The following CAP2 variants were observed in gnomAD, a reference collection of about 807,000 sequenced individuals.
The protein encoded by CAP2 is cyclase associated actin cytoskeleton regulatory protein 2, also known as adenylyl cyclase-associated protein 2.
CAP2 carries 24 observed loss-of-function variants against 57.7 expected under a neutral mutation model. The observed-to-expected ratio is 0.42, with a 90% confidence interval of 0.30 to 0.58. CAP2 has a LOEUF of 0.58. Among genes scored for constraint, CAP2 ranks in the 20% least tolerant of loss-of-function variants. The pLI is 0.22. For synonymous variants in CAP2, 194 were observed against 207.2 expected, an observed-to-expected ratio of 0.94 and a Z score of 0.55; for missense variants, 501 against 590.3, an observed-to-expected ratio of 0.85 and a Z score of 1.57.
At position 17,406,032 on chromosome 6, in the gene CAP2, C is replaced by T. The variant is rs190522319; in HGVS notation, c.-2+12286C>T. 5.6e-4 allele frequency among the ~76,000 whole-genome samples: 86 copies of T among 152,224 alleles called. 1 individual carries two copies. Among genetic ancestry groups the T allele is most frequent in the African/African-American group, 1.9e-3 (81 of 41,542 alleles). On this transcript the variant is annotated intron_variant, in intron 1 of 12. Coordinates refer to ENST00000229922, the MANE Select transcript of CAP2 (RefSeq NM_006366.3). Reference sequence around the variant, plus strand: ...CTGGGATTACAGGTGTGAGCGACCGCGCCCAGCCTGAGCAGTGGTTTATAT... The same window carrying T: ...CTGGGATTACAGGTGTGAGCGACCGTGCCCAGCCTGAGCAGTGGTTTATAT...
intron 3 of CAP2, among the ~76,000 whole-genome samples, chr6:17,428,397 G>C (rs894376712): frequency 3.9e-5 from 6 of 151,936 alleles, no homozygotes; most frequent in African/African-American, 1.5e-4. Flanking sequence ...CTTTTTCTTT[G>C]GCCTTTGTTT....
chr6:17,442,366 G>A (rs533080810), intron 3 of CAP2, among the ~76,000 whole-genome samples: 1 of 152,288 alleles, frequency 6.6e-6, no homozygotes, highest in African/African-American at 2.4e-5. Context: ...CACCTGCCCT[G>A]ATTCTTCCTT....
At position 17,464,092 on chromosome 6, in the gene CAP2, T is replaced by C. The variant is rs1760797463; in HGVS notation, c.300+1019T>C. 2.0e-5 allele frequency among the ~76,000 whole-genome samples: 3 copies of C among 152,300 alleles called. No individual in the cohort carries two copies. The South Asian group carries it at 6.2e-4, about 32-fold the overall frequency. ...TCACCACCTGCCCAAACTACTGACA[T>C]TGTATCATGCAAATAACTGCATTCC... On this transcript the variant is annotated intron_variant, in intron 4 of 12. Transcript: ENST00000229922.
intron 7 of CAP2, among the ~76,000 whole-genome samples, chr6:17,530,565 G>A (rs926977442): frequency 1.3e-5 from 2 of 152,102 alleles, no homozygotes; most frequent in Non-Finnish European, 2.9e-5. Context: ...AGGACAGTTC[G>A]AGGAGGGGCT....
intron 6 of CAP2, among the ~76,000 whole-genome samples, chr6:17,508,753 T>TTC (rs1200747302): frequency 1.2e-5 from 1 of 86,406 alleles, no homozygotes; most frequent in African/African-American, 4.6e-5. Context: ...TCAATTCACC[T>TTC]TCTTTTTTTT....
chr6:17,556,722 C>A lies in CAP2; in HGVS notation c.*280C>A, dbSNP rs921521856. 1.0e-5 allele frequency: 4 copies of A among 395,096 alleles called. No individual in the cohort carries two copies. The highest frequency in any genetic ancestry group is 8.0e-5 in the African/African-American group (4 of 49,956). The allele number at this position is 395,096 out of a possible 1,614,324, so 24.5% of individuals were successfully genotyped here. On this transcript the variant is annotated 3_prime_UTR_variant, in exon 13 of 13. Transcript: ENST00000229922. ...AAAAAAAAAAGAATTCTGTTCCCCT[C>A]ATATCATGAACACAGTAACTGATAG...
chr6:17,439,696 G>A lies in CAP2; in HGVS notation c.222+13006G>A, dbSNP rs527569713. Among the ~76,000 whole-genome samples, 14 of 151,642 alleles carry A rather than the reference G, an allele frequency of 9.2e-5. No individual in the cohort carries two copies. The South Asian group carries it at 1.9e-3, about 20-fold the overall frequency. ...GGAGCACACAACCTAGATCCCTCGC[G>A]TGCAGTGTTCACAATAGGGTTCATG... On this transcript the variant is annotated intron_variant, in intron 3 of 12. Coordinates refer to ENST00000229922, the MANE Select transcript of CAP2 (RefSeq NM_006366.3).
At chr6:17,421,422 T>G in intron 1 of CAP2, 133 bp from the exon 2 acceptor site, 1 of 892,680 alleles carries the variant, frequency 1.1e-6, no homozygotes, top group Non-Finnish European at 1.7e-6. Context: ...TACAATTTCA[T>G]GGTTAAAAAA....
chr6:17,415,231 T>G (rs539022838), intron 1 of CAP2, among the ~76,000 whole-genome samples: 2 of 152,348 alleles, frequency 1.3e-5, no homozygotes, highest in South Asian at 4.1e-4. Context: ...CCACCTCTTT[T>G]ATTAACATGA....
chr6:17,481,384 A>G (rs555100276), intron 4 of CAP2, among the ~76,000 whole-genome samples: 2 of 152,152 alleles, frequency 1.3e-5, no homozygotes, highest in African/African-American at 4.8e-5. Context: ...CAGAAAAACC[A>G]TTTTAACTGC....
intron 11 of CAP2, among the ~76,000 whole-genome samples, chr6:17,546,913 A>T (rs1459884027): frequency 6.6e-6 from 1 of 152,194 alleles, no homozygotes. Flanking sequence ...AGATGACATG[A>T]TTGTATATCT....
At chr6:17,483,592 GA>G (rs1761349765) in intron 4 of CAP2, among the ~76,000 whole-genome samples, 1 of 152,208 alleles carries the variant, frequency 6.6e-6, no homozygotes, top group Non-Finnish European at 1.5e-5. Context: ...AGGCCCCTGT[GA>G]GAAAGAACCA....
At chr6:17,401,241 G>A (rs1473193207) in intron 1 of CAP2, among the ~76,000 whole-genome samples, 1 of 152,128 alleles carries the variant, frequency 6.6e-6, no homozygotes, top group African/African-American at 2.4e-5. Flanking sequence ...GAGAACCAAG[G>A]GAGACCCTTT....
At chr6:17,524,028 A>G (rs1354047140) in intron 7 of CAP2, among the ~76,000 whole-genome samples, 6 of 149,818 alleles carry the variant, frequency 4.0e-5, no homozygotes, top group Non-Finnish European at 8.8e-5. Context: ...GTGAGCTGAG[A>G]TCGCGCCACT....
In CAP2 at chr6:17,513,741, C is replaced by T. The variant is rs565748227; in HGVS notation, c.531-108C>T. The T allele has an allele frequency of 4.9e-5, 35 of 721,184 alleles. No homozygotes were observed. In the Admixed American group the frequency reaches 6.1e-4, roughly 12 times the overall value. The allele number at this position is 721,184 out of a possible 1,614,324, so 44.7% of individuals were successfully genotyped here. On this transcript the variant is annotated intron_variant, in intron 6 of 12. Transcript: ENST00000229922. The surrounding 1 kb of genome is among the most constrained non-coding windows in gnomAD (Gnocchi z 4.3). ...GCCTGGGTTGCAAGGACGATTGCTCCGGGCTCCAGGGCCCCTAGTCACTAG... is the reference window on the plus strand; with the variant it reads ...GCCTGGGTTGCAAGGACGATTGCTCTGGGCTCCAGGGCCCCTAGTCACTAG...
chr6:17,466,660 C>T (rs1760872275), intron 4 of CAP2, among the ~76,000 whole-genome samples: 1 of 152,192 alleles, frequency 6.6e-6, no homozygotes, highest in East Asian at 1.9e-4. Context: ...CTAACAGGCT[C>T]CCCGGCGATG....
At position 17,423,372 on chromosome 6, in the gene CAP2, A is replaced by G. The variant is rs546547076; in HGVS notation, c.121+1696A>G. Among the ~76,000 whole-genome samples the G allele has an allele frequency of 3.9e-5, 6 of 152,300 alleles. No individual in the cohort carries two copies. In the East Asian group the frequency reaches 1.2e-3, roughly 29 times the overall value. ...AGCCTGTAAGTTTTTTTCCGCACCAACTGAGACACATCTATGATTTCATTT... is the reference window on the plus strand; with the variant it reads ...AGCCTGTAAGTTTTTTTCCGCACCAGCTGAGACACATCTATGATTTCATTT... On this transcript the variant is annotated intron_variant, in intron 2 of 12. Transcript: ENST00000229922.
chr6:17,460,371 A>T (rs1456870615), intron 3 of CAP2, among the ~76,000 whole-genome samples: 1 of 152,240 alleles, frequency 6.6e-6, no homozygotes, highest in South Asian at 2.1e-4. Flanking sequence ...AGAAGTTATG[A>T]TGAGAATCAT....
chr6:17,546,959 A>G (rs1016032607), intron 11 of CAP2, among the ~76,000 whole-genome samples: 1 of 152,212 alleles, frequency 6.6e-6, no homozygotes, highest in African/African-American at 2.4e-5. Flanking sequence ...AATCTCTTTA[A>G]GCTGATAGGC....
Sources: gnomAD v4.1 joint callset for allele counts (sites outside exome capture counted in the v4.1 genomes callset) on GRCh38, gnomAD v4.1.1 for gene constraint, Gnocchi (gnomAD v3.1) non-coding constraint, MANE v1.5 for transcripts, NCBI Gene and HGNC (gene_info 2026-07-23, HGNC 2026-07-21) for gene names.